The following SLC35F3 variants were observed in gnomAD, a reference collection of about 807,000 sequenced individuals.
SLC35F3 encodes solute carrier family 35 member F3.
SLC35F3 carries 25 observed loss-of-function variants against 49.9 expected under a neutral mutation model. The observed-to-expected ratio is 0.50, with a 90% CI of 0.37 to 0.70. The LOEUF is 0.70. Ranked by LOEUF, SLC35F3 falls within the 30% of genes least tolerant of loss-of-function variation. The probability of loss-of-function intolerance (pLI) is 0.00; values close to 1 mark genes in which losing one functional copy is unlikely to be tolerated. For synonymous variants in SLC35F3, 275 were observed against 265.4 expected, an observed-to-expected ratio of 1.04 and a Z score of -0.35; for missense variants, 525 against 639.8, an observed-to-expected ratio of 0.82 and a Z score of 1.94.
intron 3 of SLC35F3, among the ~76,000 whole-genome samples, chr1:234,251,241 A>G (rs964201942): frequency 1.3e-5 from 2 of 152,152 alleles, no homozygotes; most frequent in Non-Finnish European, 2.9e-5. Context: ...TGGTTTGACC[A>G]ACAAGGAAAG....
At chr1:234,000,314 T>G (rs938812440) in intron 2 of SLC35F3, among the ~76,000 whole-genome samples, 3 of 152,240 alleles carry the variant, frequency 2.0e-5, no homozygotes, top group Non-Finnish European at 4.4e-5. Context: ...TCCTTGCCTT[T>G]CACTTTGATT....
chr1:234,032,957 G>A (rs547845886), intron 2 of SLC35F3, among the ~76,000 whole-genome samples: 3 of 152,016 alleles, frequency 2.0e-5, no homozygotes. Flanking sequence ...TTCCATAGTA[G>A]TTATACTAGT....
intron 3 of SLC35F3, among the ~76,000 whole-genome samples, chr1:234,269,745 A>T (rs565587419): frequency 1.3e-5 from 2 of 152,286 alleles, no homozygotes; most frequent in African/African-American, 2.4e-5. Context: ...CCATGAATAG[A>T]ACCCCTGGAT....
intron 2 of SLC35F3, among the ~76,000 whole-genome samples, chr1:234,186,600 G>A (rs1666646604): frequency 6.6e-6 from 1 of 152,190 alleles, no homozygotes; most frequent in Non-Finnish European, 1.5e-5. Context: ...TCAAGTGGTA[G>A]GTGGAGAGGG....
At chr1:234,201,812 A>T (rs1666903289) in intron 2 of SLC35F3, among the ~76,000 whole-genome samples, 1 of 151,982 alleles carries the variant, frequency 6.6e-6, no homozygotes. Flanking sequence ...TTTTACAAAA[A>T]GCAATGGTTT....
intron 2 of SLC35F3, among the ~76,000 whole-genome samples, chr1:234,058,483 T>C (rs1393720226): frequency 6.6e-6 from 1 of 151,880 alleles, no homozygotes; most frequent in African/African-American, 2.4e-5. Context: ...TAGCTGAGAC[T>C]ATAGGCATGC....
chr1:234,175,390 T>C lies in SLC35F3; in HGVS notation c.284-56027T>C, dbSNP rs370099232. Among the ~76,000 whole-genome samples, 29 of 152,314 alleles carry C rather than the reference T, an allele frequency of 1.9e-4. No homozygotes were observed. The South Asian group carries it at 5.4e-3, about 28-fold the overall frequency. ...CCTTGTGCACAACAGGTAAGAACCATGTCTTCACCCTTTGATGAAGCAAAA... is the reference window on the plus strand; with the variant it reads ...CCTTGTGCACAACAGGTAAGAACCACGTCTTCACCCTTTGATGAAGCAAAA... On this transcript the variant is annotated intron_variant, in intron 2 of 7. Coordinates refer to ENST00000366618, the MANE Select transcript of SLC35F3 (RefSeq NM_173508.4).
At chr1:234,035,911 A>G (rs1394555531) in intron 2 of SLC35F3, among the ~76,000 whole-genome samples, 7 of 152,126 alleles carry the variant, frequency 4.6e-5, no homozygotes, top group Non-Finnish European at 1.0e-4. Flanking sequence ...TGTTTGTTTC[A>G]GCTCCTATAT....
chr1:234,165,320 CCT>C (rs1380537626), intron 2 of SLC35F3, among the ~76,000 whole-genome samples: 3 of 152,174 alleles, frequency 2.0e-5, no homozygotes, highest in Non-Finnish European at 4.4e-5. Flanking sequence ...CTGGTTTTAT[CCT>C]CTCTCTTATA....
chr1:234,227,392 CTTTTTT>C (rs369277069), intron 2 of SLC35F3, among the ~76,000 whole-genome samples: 4 of 108,668 alleles, frequency 3.7e-5, no homozygotes, highest in Admixed American at 1.2e-4. Flanking sequence ...CTCTTTCTTT[CTTTTTT>C]TTTTTTTTTT....
chr1:234,095,683 C>T (rs12045522), intron 2 of SLC35F3, among the ~76,000 whole-genome samples: 21,989 of 152,164 alleles, frequency 0.14, 3,217 homozygotes, highest in East Asian at 0.83. Context: ...ATCATTGACT[C>T]GGGCATCCCA....
intron 2 of SLC35F3, among the ~76,000 whole-genome samples, chr1:234,019,710 C>T (rs1010616432): frequency 1.3e-5 from 2 of 152,162 alleles, no homozygotes; most frequent in African/African-American, 2.4e-5. Context: ...AACTGGGTTC[C>T]CCAGCCCAGT....
At chr1:234,179,727 T>TTAA (rs1415464567) in intron 2 of SLC35F3, among the ~76,000 whole-genome samples, 1 of 144,654 alleles carries the variant, frequency 6.9e-6, no homozygotes, top group Admixed American at 7.5e-5. Flanking sequence ...CTTGAATTTT[T>TTAA]ACCAATTATG....
At chr1:234,117,518 G>C (rs1284965766) in intron 2 of SLC35F3, among the ~76,000 whole-genome samples, 3 of 151,758 alleles carry the variant, frequency 2.0e-5, no homozygotes, top group Non-Finnish European at 4.4e-5. Context: ...CTTGAACCTG[G>C]GAGATGGAGG....
At chr1:234,113,057 A>G (rs564859113) in intron 2 of SLC35F3, among the ~76,000 whole-genome samples, 9 of 152,002 alleles carry the variant, frequency 5.9e-5, no homozygotes, top group Admixed American at 5.9e-4. Flanking sequence ...GCAAAACCTC[A>G]TCCCCATTTT....
At chr1:234,313,959 G>T (rs1477240384) in intron 4 of SLC35F3, among the ~76,000 whole-genome samples, 1 of 152,238 alleles carries the variant, frequency 6.6e-6, no homozygotes, top group Non-Finnish European at 1.5e-5. Context: ...CACAGGGCAC[G>T]TTCCAACCCT....
chr1:234,047,360 A>G (rs1021756206), intron 2 of SLC35F3, among the ~76,000 whole-genome samples: 3 of 152,324 alleles, frequency 2.0e-5, no homozygotes, highest in Non-Finnish European at 1.5e-5. Context: ...CAGTAGACTG[A>G]GTAAAGCAGA....
At chr1:233,918,845 T>G (rs2102786360) in intron 2 of SLC35F3, among the ~76,000 whole-genome samples, 1 of 151,894 alleles carries the variant, frequency 6.6e-6, no homozygotes, top group African/African-American at 2.4e-5. Context: ...TTTGTGTGTT[T>G]GTGTGTGTGT....
intron 2 of SLC35F3, among the ~76,000 whole-genome samples, chr1:234,159,572 G>A (rs1460355834): frequency 2.0e-5 from 3 of 152,012 alleles, no homozygotes; most frequent in African/African-American, 7.3e-5. Context: ...GAACCTATAT[G>A]GAGAAGAAAC....
Sources: allele counts gnomAD v4.1 joint callset (sites outside exome capture counted in the v4.1 genomes callset), GRCh38; gene constraint gnomAD v4.1.1; transcripts MANE v1.5; gene names NCBI Gene and HGNC (gene_info 2026-07-23, HGNC 2026-07-21).